Variants in COQ3 observed in about 807,000 individuals in gnomAD.
COQ3 encodes the protein ubiquinone biosynthesis O-methyltransferase, mitochondrial.
COQ3 carries 29 observed loss-of-function variants against 33.1 expected under a neutral mutation model. The ratio of observed to expected loss-of-function variants is 0.88; its 90% CI spans 0.65 to 1.19. The LOEUF is 1.19. Ranked by LOEUF, COQ3 falls within the 50% of genes most tolerant of loss-of-function variation. COQ3 has a pLI of 0.00. For synonymous variants in COQ3, 173 were observed against 157.8 expected, an observed-to-expected ratio of 1.10 and a Z score of -0.72; for missense variants, 437 against 430.7, an observed-to-expected ratio of 1.01 and a Z score of -0.13.
At chr6:99,390,241 TAA>T (rs577177849) in intron 1 of COQ3, among the ~76,000 whole-genome samples, 1 of 152,220 alleles carries the variant, frequency 6.6e-6, no homozygotes, top group Non-Finnish European at 1.5e-5. Flanking sequence ...TAATTGCCAC[TAA>T]ATAGATGTTG....
chr6:99,370,344 C>CTTTTTTTTTTTTTT, intron 6 of COQ3, among the ~76,000 whole-genome samples: 18 of 101,252 alleles, frequency 1.8e-4, no homozygotes, highest in African/African-American at 4.7e-4. Flanking sequence ...CTTTTCTTTA[C>CTTTTTTTTTTTTTT]TTTTTTTTTT....
At chr6:99,373,460 T>G (rs1241968876) in intron 5 of COQ3, among the ~76,000 whole-genome samples, 10 of 150,578 alleles carry the variant, frequency 6.6e-5, no homozygotes, top group Non-Finnish European at 3.0e-5. Context: ...CACTTATGAA[T>G]ATCTAATCTG....
At chr6:99,391,699 G>A (rs1424040589) in intron 1 of COQ3, among the ~76,000 whole-genome samples, 1 of 152,046 alleles carries the variant, frequency 6.6e-6, no homozygotes, top group Admixed American at 6.6e-5. Context: ...TTCTCAAGAG[G>A]TTTAAAAATC....
At position 99,369,519 on chromosome 6, in the gene COQ3, C is replaced by T. The variant is rs1774061091; in HGVS notation, c.*81G>A. 3 of 1,107,992 alleles carry T rather than the reference C, an allele frequency of 2.7e-6. No individual in the cohort carries two copies. The highest frequency in any genetic ancestry group is 3.9e-6 in the Non-Finnish European group (3 of 777,452). 68.6% of individuals were successfully genotyped at this position (1,107,992 alleles called of 1,614,324 possible). On this transcript the variant is annotated 3_prime_UTR_variant, in exon 7 of 7. Transcript: ENST00000254759. The stretch of plus-strand genomic sequence containing the variant: ...TTGACCTTCTTTTCTTCATGATTCT[C>T]TCTCAAAGGATAAATTGTACATTTT...
At chr6:99,392,593 C>A (rs1226638041) in intron 1 of COQ3, among the ~76,000 whole-genome samples, 1 of 151,956 alleles carries the variant, frequency 6.6e-6, no homozygotes, top group Non-Finnish European at 1.5e-5. Flanking sequence ...AACTTTCTCA[C>A]AGATTCTCGA....
intron 3 of COQ3, 80 bp from the exon 4 acceptor site, chr6:99,377,565 G>T (rs1774333407): frequency 1.4e-5 from 12 of 849,526 alleles, no homozygotes; most frequent in African/African-American, 5.4e-5. Flanking sequence ...TAGTTTTCAA[G>T]GAAATATTAA....
At position 99,380,350 on chromosome 6, in the gene COQ3, T is replaced by G. The variant is rs986536432; in HGVS notation, c.234-9A>C. On this transcript the variant is annotated splice_polypyrimidine_tract_variant and intron_variant, in intron 2 of 6. Transcript: ENST00000254759. ...GTCTCGCCCAAGGGTACCTAAAAGG[T>G]GAAAATGAAGAACCAAGCAAATACT... The G allele has an allele frequency of 1.2e-6, 2 of 1,611,956 alleles. No homozygotes were observed. The highest frequency in any genetic ancestry group is 2.7e-5 in the African/African-American group (2 of 74,810).
chr6:99,378,042 A>G (rs1331580455), intron 3 of COQ3, among the ~76,000 whole-genome samples: 2 of 146,272 alleles, frequency 1.4e-5, no homozygotes, highest in African/African-American at 5.0e-5. Context: ...TTACCTATAC[A>G]AACATATGTA....
Position 99,371,517 on chromosome 6 carries a change from G to GA in COQ3, c.799dup (p.Ser267PhefsTer22), listed in dbSNP as rs755591858. The GA allele has an allele frequency of 3.7e-6, 6 of 1,607,014 alleles. No homozygotes were observed. Among genetic ancestry groups the GA allele is most frequent in the Non-Finnish European group, 5.1e-6 (6 of 1,176,168 alleles). On this transcript the variant is annotated frameshift_variant, in exon 6 of 7. Coordinates refer to ENST00000254759, the MANE Select transcript of COQ3 (RefSeq NM_017421.4). LOFTEE classifies it high-confidence loss of function. Reference sequence around the variant, plus strand: ...TGGTACAATACTTGCAATTTGCTCTGAAAAAACAATTCCCAAGGCATAGGA... The same window carrying GA: ...TGGTACAATACTTGCAATTTGCTCTGAAAAAAACAATTCCCAAGGCATAGGA...
chr6:99,371,164 T>C (rs140877289), intron 6 of COQ3, among the ~76,000 whole-genome samples: 67 of 152,260 alleles, frequency 4.4e-4, no homozygotes, highest in Middle Eastern at 3.4e-3. Flanking sequence ...CCTAAACAAG[T>C]GAGGACTAAA....
chr6:99,371,391 G>C, intron 6 of COQ3, 37 bp downstream of exon 6: 1 of 1,451,688 alleles, frequency 6.9e-7, no homozygotes, highest in Non-Finnish European at 9.4e-7. Context: ...AGTTCAGCTA[G>C]GCCTGGAAAA....
rs76419641 is a variant in COQ3 at position 99,374,951 on chromosome 6, T to C, written c.729+989A>G. ...AAACTTATGCTAATAATTATTTTTA[T>C]TGATGTTTAAGTATTCATCCAAATC... On this transcript the variant is annotated intron_variant, in intron 5 of 6. Transcript: ENST00000254759. Among the ~76,000 whole-genome samples, 280 of 152,272 alleles carry C rather than the reference T, an allele frequency of 1.8e-3. 4 individuals are homozygous for C. The East Asian group carries it at 0.046, about 25-fold the overall frequency.
chr6:99,385,605 T>C (rs993245969), intron 1 of COQ3, among the ~76,000 whole-genome samples: 2 of 152,084 alleles, frequency 1.3e-5, no homozygotes, highest in African/African-American at 4.8e-5. Context: ...GTACTACATA[T>C]AAAAATCAGC....
intron 1 of COQ3, among the ~76,000 whole-genome samples, chr6:99,392,703 G>A (rs1774865246): frequency 6.7e-6 from 1 of 150,344 alleles, no homozygotes; most frequent in African/African-American, 2.4e-5. Flanking sequence ...TTGGCTTACT[G>A]CAACCTCTGC....
At chr6:99,387,499 A>G (rs1031140715) in intron 1 of COQ3, among the ~76,000 whole-genome samples, 1 of 152,198 alleles carries the variant, frequency 6.6e-6, no homozygotes, top group African/African-American at 2.4e-5. Context: ...AATACCAAAC[A>G]TAATCATGTT....
chr6:99,384,662 G>A (rs1774566710), intron 1 of COQ3, among the ~76,000 whole-genome samples: 1 of 152,136 alleles, frequency 6.6e-6, no homozygotes, highest in Non-Finnish European at 1.5e-5. Flanking sequence ...ACAGGGGCCT[G>A]CTTTATGAGC....
intron 5 of COQ3, among the ~76,000 whole-genome samples, chr6:99,372,790 T>A (rs972867776): frequency 6.6e-6 from 1 of 152,098 alleles, no homozygotes; most frequent in African/African-American, 2.4e-5. Context: ...GATATTAATG[T>A]CCCCTCTCTC....
intron 1 of COQ3, among the ~76,000 whole-genome samples, chr6:99,384,135 G>A (rs1774550638): frequency 6.6e-6 from 1 of 152,066 alleles, no homozygotes; most frequent in African/African-American, 2.4e-5. Context: ...AAACTCCTGG[G>A]CTCAAGGGAT....
intron 1 of COQ3, among the ~76,000 whole-genome samples, chr6:99,388,891 GCACACACACACA>G (rs59478225): frequency 0.015 from 1,574 of 106,304 alleles, 36 homozygotes; most frequent in African/African-American, 0.039. Context: ...ATGTATACAC[GCACACACACACA>G]CACACACACA....
Sources: gnomAD v4.1 joint callset for allele counts (sites outside exome capture counted in the v4.1 genomes callset) on GRCh38, gnomAD v4.1.1 for gene constraint, MANE v1.5 for transcripts, NCBI Gene and HGNC (gene_info 2026-07-23, HGNC 2026-07-21) for gene names.